ZNF496: variants seen among roughly 807,000 people sequenced by gnomAD.
ZNF496 encodes the protein NSD1 (nuclear receptor binding SET-domain containing 1)-interacting zinc finger protein 1.
ZNF496 carries 11 observed loss-of-function variants against 58.9 expected under a neutral mutation model. That is an observed-to-expected ratio of 0.19 (90% confidence interval 0.12 to 0.31). The LOEUF (loss-of-function observed/expected upper bound fraction) is 0.31, where lower values mean the gene tolerates loss of function less well. ZNF496 is among the 10% of genes least tolerant of loss of function. ZNF496 has a pLI of 1.00. For synonymous variants in ZNF496, 338 were observed against 318.2 expected, an observed-to-expected ratio of 1.06 and a Z score of -0.66; for missense variants, 660 against 783.0, an observed-to-expected ratio of 0.84 and a Z score of 1.88.
chr1:247,304,345 A>G (rs1276745642), intron 9 of ZNF496, among the ~76,000 whole-genome samples: 1 of 151,100 alleles, frequency 6.6e-6, no homozygotes, highest in Non-Finnish European at 1.5e-5. Context: ...CTGAGCCTTA[A>G]AATCCCATGG....
At position 247,297,773 on chromosome 1, in the gene ZNF496, C is replaced by G. The variant is rs747710813; in HGVS notation, c.*2746G>C. On this transcript the variant is annotated 3_prime_UTR_variant, in exon 10 of 10. Transcript: ENST00000682384. ...CAACCTGGGTTTCAGTTACATTACCCAGGAGGATTTCCAAATCCAGAGGCA... is the reference window on the plus strand; with the variant it reads ...CAACCTGGGTTTCAGTTACATTACCGAGGAGGATTTCCAAATCCAGAGGCA... 2.6e-5 allele frequency: 4 copies of G among 152,202 alleles called. No individual in the cohort carries two copies. The highest frequency in any genetic ancestry group is 4.4e-5 in the Non-Finnish European group (3 of 68,058). 9.4% of individuals were successfully genotyped at this position (152,202 alleles called of 1,614,324 possible). A position where few individuals can be genotyped will look rare whatever the true frequency, so the allele number is the denominator to read the frequency against.
At chr1:247,330,750 G>A (rs994836023) in intron 2 of ZNF496, among the ~76,000 whole-genome samples, 9 of 152,260 alleles carry the variant, frequency 5.9e-5, no homozygotes, top group African/African-American at 2.2e-4. Context: ...ATCTGCACGA[G>A]GTTGTCCAGC....
chr1:247,309,704 T>C lies in ZNF496; in HGVS notation c.887A>G (p.Tyr296Cys), dbSNP rs770379051. Reference sequence around the variant, plus strand: ...GTTCTGGAATCATTACTCACCCAAGTAGGAGACCTGGGGCACTTCTTTGCC... The same window carrying C: ...GTTCTGGAATCATTACTCACCCAAGCAGGAGACCTGGGGCACTTCTTTGCC... ...LQGKEVPQVS[Y>C]LDSPSLQPFQ... Residue 296 changes from tyrosine (Y) to cysteine (C), a missense_variant, in exon 8 of 10, where the codon TAC becomes TGC. Coordinates refer to ENST00000682384, the MANE Select transcript of ZNF496 (RefSeq NM_032752.3). The surrounding 1 kb of genome is among the most constrained non-coding windows in gnomAD (Gnocchi z 4.3). The C allele has an allele frequency of 1.2e-6, 2 of 1,614,030 alleles. No homozygotes were observed. The highest frequency in any genetic ancestry group is 1.7e-6 in the Non-Finnish European group (2 of 1,180,032).
chr1:247,306,025 A>C (rs535926098), intron 9 of ZNF496, among the ~76,000 whole-genome samples: 1 of 152,356 alleles, frequency 6.6e-6, no homozygotes, highest in South Asian at 2.1e-4. Flanking sequence ...AGGGATTCAG[A>C]CCCAAAACTA....
rs1187938459 is a variant in ZNF496, at chr1:247,300,838, CGGTGGGAGAGCA to C, written c.1433_1444del (p.Leu478_His481del). ...TCTGTCCGGCTGCAGGTGTATCCGC[CGGTGGGAGAGCA>C]GGTGGGAGTTCAGGCGGAAGCTCTT... On this transcript the variant is annotated inframe_deletion, in exon 10 of 10. Coordinates refer to ENST00000682384, the MANE Select transcript of ZNF496 (RefSeq NM_032752.3). The surrounding 1 kb of genome is among the most constrained non-coding windows in gnomAD (Gnocchi z 5.7). 7 of 1,609,934 alleles carry C rather than the reference CGGTGGGAGAGCA, an allele frequency of 4.3e-6. No individual in the cohort carries two copies. The highest frequency in any genetic ancestry group is 5.9e-6 in the Non-Finnish European group (7 of 1,177,634).
At position 247,299,066 on chromosome 1, in the gene ZNF496, T is replaced by C. The variant is rs554389773; in HGVS notation, c.*1453A>G. On this transcript the variant is annotated 3_prime_UTR_variant, in exon 10 of 10. Coordinates refer to ENST00000682384, the MANE Select transcript of ZNF496 (RefSeq NM_032752.3). ...GTGAGCAAGCTCACTCAAGTTTGTA[T>C]TGACTCATCTGTAAATTAGGAATGA... The C allele has an allele frequency of 6.6e-6, 1 of 152,240 alleles. No homozygotes were observed. Among genetic ancestry groups the C allele is most frequent in the Non-Finnish European group, 1.5e-5 (1 of 68,056 alleles). 9.4% of individuals were successfully genotyped at this position (152,240 alleles called of 1,614,324 possible).
chr1:247,306,371 AT>A (rs1659409431), intron 9 of ZNF496, among the ~76,000 whole-genome samples: 1 of 151,488 alleles, frequency 6.6e-6, no homozygotes, highest in South Asian at 2.1e-4. Context: ...TAATTTTTAT[AT>A]TTTTTAGTGG....
At position 247,300,455 on chromosome 1, in the gene ZNF496, G is replaced by A. The variant is rs1037627186; in HGVS notation, c.*64C>T. On this transcript the variant is annotated 3_prime_UTR_variant, in exon 10 of 10. Transcript: ENST00000682384. This position sits in a 1 kb window ranked among gnomAD's most constrained non-coding sequence, Gnocchi z 5.7. ...GGGAAGGTATGTCCTGGGTGGGGGC[G>A]CTGATCAGTACCAAGGTGAGGGGGC... 4.2e-5 allele frequency: 63 copies of A among 1,504,584 alleles called. No individual in the cohort carries two copies. The highest frequency in any genetic ancestry group is 4.8e-5 in the Non-Finnish European group (54 of 1,121,936). The allele number at this position is 1,504,584 out of a possible 1,614,324, so 93.2% of individuals were successfully genotyped here.
chr1:247,307,137 C>T, intron 9 of ZNF496: 5 of 985,438 alleles, frequency 5.1e-6, no homozygotes, highest in Non-Finnish European at 6.0e-6. Context: ...ACAAACTGAA[C>T]ATCTGGGAGT....
At chr1:247,330,433 G>C (rs1341463646) in intron 2 of ZNF496, among the ~76,000 whole-genome samples, 1 of 152,078 alleles carries the variant, frequency 6.6e-6, no homozygotes, top group Non-Finnish European at 1.5e-5. Flanking sequence ...CCCTTCCTCG[G>C]CCAGGACAGA....
intron 9 of ZNF496, among the ~76,000 whole-genome samples, chr1:247,302,437 T>G (rs1019027762): frequency 6.6e-6 from 1 of 151,656 alleles, no homozygotes; most frequent in Non-Finnish European, 1.5e-5. Flanking sequence ...CCACGTAGTA[T>G]AGGAGGGAAA....
chr1:247,326,035 C>T lies in ZNF496; in HGVS notation c.574+2648G>A, dbSNP rs535093109. ...ACATATGTATATATATATATACACA[C>T]GCATATATATATATACACACACACA... is the stretch of plus-strand genomic sequence containing the variant. On this transcript the variant is annotated intron_variant, in intron 5 of 9. Transcript: ENST00000682384. Among the ~76,000 whole-genome samples, 341 of 111,532 alleles carry T rather than the reference C, an allele frequency of 3.1e-3. 1 individual carries two copies. The highest frequency in any genetic ancestry group is 0.01 in the African/African-American group (314 of 30,242). The allele number at this position is 111,532 out of a possible 152,430, so 73.2% of individuals were successfully genotyped here.
At chr1:247,326,633 C>T (rs941853394) in intron 5 of ZNF496, among the ~76,000 whole-genome samples, 5 of 152,164 alleles carry the variant, frequency 3.3e-5, no homozygotes, top group Non-Finnish European at 7.3e-5. Context: ...TTCCCTTATA[C>T]CTGTTGTTAC....
intron 6 of ZNF496, among the ~76,000 whole-genome samples, chr1:247,319,032 T>G (rs1016854191): frequency 6.6e-6 from 1 of 152,180 alleles, no homozygotes; most frequent in African/African-American, 2.4e-5. Context: ...CAGGCTGGAG[T>G]GCAGTGATGC....
rs1660227870 is a variant in ZNF496 at position 247,328,991 on chromosome 1, A to G, written c.391-125T>C. ...ACTTAGGCCTTGGACTGGGCTGTAAAGGGGCACGACACTATCATGCCCAAA... is the reference window on the plus strand; with the variant it reads ...ACTTAGGCCTTGGACTGGGCTGTAAGGGGGCACGACACTATCATGCCCAAA... On this transcript the variant is annotated intron_variant, in intron 4 of 9. Transcript: ENST00000682384. The G allele has an allele frequency of 1.1e-5, 15 of 1,396,056 alleles. No individual in the cohort carries two copies. In the South Asian group the frequency reaches 1.8e-4, roughly 17 times the overall value. 86.5% of individuals were successfully genotyped at this position (1,396,056 alleles called of 1,614,324 possible).
At chr1:247,307,220 CT>C in intron 9 of ZNF496, 1 of 985,400 alleles carries the variant, frequency 1.0e-6, no homozygotes. Context: ...CGGGAAAAGC[CT>C]TTTAGGAAGG....
At chr1:247,326,061 C>CAT (rs1660111832) in intron 5 of ZNF496, among the ~76,000 whole-genome samples, 1 of 98,760 alleles carries the variant, frequency 1.0e-5, no homozygotes, top group African/African-American at 3.2e-5. Context: ...CACACACACA[C>CAT]ACATATATAC....
Position 247,300,377 on chromosome 1 carries a change from G to T in ZNF496, c.*142C>A. ...GGAGAGTGCTCCCATGGCACCACCC[G>T]AACGCTCACTACCTGAGAGCAAGGA... is the stretch of plus-strand genomic sequence containing the variant. On this transcript the variant is annotated 3_prime_UTR_variant, in exon 10 of 10. Coordinates refer to ENST00000682384, the MANE Select transcript of ZNF496 (RefSeq NM_032752.3). This position sits in a 1 kb window ranked among gnomAD's most constrained non-coding sequence, Gnocchi z 5.7. The T allele has an allele frequency of 1.2e-6, 1 of 857,034 alleles. No homozygotes were observed. Among genetic ancestry groups the T allele is most frequent in the Non-Finnish European group, 1.7e-6 (1 of 593,750 alleles). The allele number at this position is 857,034 out of a possible 1,614,324, so 53.1% of individuals were successfully genotyped here. A position where few individuals can be genotyped will look rare whatever the true frequency, so the allele number is the denominator to read the frequency against.
Position 247,328,702 on chromosome 1 carries a change from G to A in ZNF496, c.555C>T (p.Ser185=). The A allele has an allele frequency of 6.3e-7, 1 of 1,598,966 alleles. No homozygotes were observed. The highest frequency in any genetic ancestry group is 1.1e-5 in the South Asian group (1 of 88,724). ...GCATACCTGGGTCCCCGCTGAGCTG[G>A]CTTGGTGGTCTGCTTGGGAGCCCCA... ...QCLGLPSRPP[S]QLSGDPVLQD... is the part of the protein sequence containing the mutation. The change falls in exon 5 of 10, where the codon AGC becomes AGT. Residue 185 remains serine, a synonymous_variant. Coordinates refer to ENST00000682384, the MANE Select transcript of ZNF496 (RefSeq NM_032752.3).
Sources: gnomAD v4.1 joint callset for allele counts (sites outside exome capture counted in the v4.1 genomes callset) on GRCh38, gnomAD v4.1.1 for gene constraint, Gnocchi (gnomAD v3.1) non-coding constraint, MANE v1.5 for transcripts, NCBI Gene and HGNC (gene_info 2026-07-23, HGNC 2026-07-21) for gene names.